The following SCAPER variants were observed in gnomAD, a reference collection of about 807,000 sequenced individuals.
SCAPER encodes the protein S-phase cyclin A associated protein in the ER.
SCAPER carries 98 observed loss-of-function variants against 182.2 expected under a neutral mutation model. That is an observed-to-expected ratio of 0.54 (90% CI 0.46 to 0.64). SCAPER has a LOEUF of 0.64. SCAPER is among the 30% of genes least tolerant of loss of function. The probability of loss-of-function intolerance (pLI) is 0.00; values close to 1 mark genes in which losing one functional copy is unlikely to be tolerated. For missense variants in SCAPER, 1,432 were observed against 1,690.0 expected (o/e 0.85, Z 2.68); for synonymous variants, 605 against 564.6 (o/e 1.07, Z -1.01).
intron 4 of SCAPER, among the ~76,000 whole-genome samples, chr15:76,851,881 C>T (rs965068043): frequency 5.9e-5 from 9 of 152,008 alleles, no homozygotes; most frequent in Non-Finnish European, 1.2e-4. Flanking sequence ...ACTTAAAAGG[C>T]ACAGAGTGGC....
intron 21 of SCAPER, among the ~76,000 whole-genome samples, chr15:76,652,559 AC>A (rs937858366): frequency 2.2e-5 from 3 of 136,686 alleles, no homozygotes; most frequent in Admixed American, 7.5e-5. Flanking sequence ...ACACACACAC[AC>A]ATTAGCCGGG....
chr15:76,507,431 A>C (rs2041678956), intron 23 of SCAPER, among the ~76,000 whole-genome samples: 1 of 152,188 alleles, frequency 6.6e-6, no homozygotes, highest in Non-Finnish European at 1.5e-5. Context: ...GGCCCCAAGC[A>C]AACTAATACA....
intron 21 of SCAPER, among the ~76,000 whole-genome samples, chr15:76,638,452 C>G (rs1224801285): frequency 6.6e-6 from 1 of 152,118 alleles, no homozygotes; most frequent in Non-Finnish European, 1.5e-5. Context: ...AAAGGGAATG[C>G]TTTCAATAGT....
chr15:76,740,391 A>C (rs2061477177), intron 15 of SCAPER, among the ~76,000 whole-genome samples: 1 of 152,238 alleles, frequency 6.6e-6, no homozygotes, highest in South Asian at 2.1e-4. Context: ...ACATTACTTC[A>C]TAAAAAATTG....
intron 8 of SCAPER, among the ~76,000 whole-genome samples, chr15:76,787,417 C>A (rs1389038269): frequency 6.6e-6 from 1 of 152,074 alleles, no homozygotes; most frequent in Non-Finnish European, 1.5e-5. Context: ...CAAGGTCTCA[C>A]TCTCTCCCCA....
intron 21 of SCAPER, among the ~76,000 whole-genome samples, chr15:76,652,273 A>AATATAT (rs1172636102): frequency 0.021 from 273 of 12,730 alleles, 4 homozygotes; most frequent in Middle Eastern, 0.033. Context: ...AAAAAAAAAA[A>AATATAT]ATATATATAT....
intron 15 of SCAPER, among the ~76,000 whole-genome samples, chr15:76,747,624 G>C (rs769297141): frequency 6.6e-5 from 10 of 152,150 alleles, no homozygotes; most frequent in Non-Finnish European, 1.3e-4. Flanking sequence ...AATGCCCTCA[G>C]GGGAGAGGGG....
chr15:76,375,828 A>G (rs1274017411), intron 29 of SCAPER, among the ~76,000 whole-genome samples: 1 of 152,172 alleles, frequency 6.6e-6, no homozygotes, highest in African/African-American at 2.4e-5. Flanking sequence ...TACTAAAAAT[A>G]CAAAAAATTA....
intron 20 of SCAPER, among the ~76,000 whole-genome samples, chr15:76,685,474 T>C (rs1325625431): frequency 6.6e-6 from 1 of 152,114 alleles, no homozygotes; most frequent in African/African-American, 2.4e-5. Flanking sequence ...GAGCTTGATA[T>C]GCAAAATCAC....
intron 17 of SCAPER, among the ~76,000 whole-genome samples, chr15:76,713,456 A>G (rs2059705944): frequency 6.6e-6 from 1 of 152,088 alleles, no homozygotes; most frequent in Non-Finnish European, 1.5e-5. Context: ...GCCATAAAAA[A>G]TGATGAGTTC....
At chr15:76,808,856 T>C (rs992239304) in intron 5 of SCAPER, among the ~76,000 whole-genome samples, 3 of 152,172 alleles carry the variant, frequency 2.0e-5, no homozygotes, top group East Asian at 1.9e-4. Context: ...AACAAGAATA[T>C]GGCATCACTG....
chr15:76,874,592 T>TA (rs2073015163), intron 2 of SCAPER, among the ~76,000 whole-genome samples: 1 of 151,796 alleles, frequency 6.6e-6, no homozygotes, highest in South Asian at 2.1e-4. Flanking sequence ...TATTAGGAAT[T>TA]AAAAAGAAAG....
At chr15:76,538,408 C>T (rs1279504050) in intron 23 of SCAPER, among the ~76,000 whole-genome samples, 1 of 150,754 alleles carries the variant, frequency 6.6e-6, no homozygotes, top group Non-Finnish European at 1.5e-5. Flanking sequence ...GAGTTCATGT[C>T]CTTTGTAGGG....
chr15:76,633,960 T>C (rs1389173036), intron 21 of SCAPER, among the ~76,000 whole-genome samples: 1 of 152,214 alleles, frequency 6.6e-6, no homozygotes, highest in African/African-American at 2.4e-5. Flanking sequence ...TTCAGCCCCC[T>C]TCCCATGGAG....
At chr15:76,508,251 T>G (rs974710877) in intron 23 of SCAPER, among the ~76,000 whole-genome samples, 3 of 152,168 alleles carry the variant, frequency 2.0e-5, no homozygotes, top group African/African-American at 7.2e-5. Flanking sequence ...AGTATTTCAT[T>G]CATTTTCTTT....
intron 23 of SCAPER, among the ~76,000 whole-genome samples, chr15:76,570,016 C>T (rs1278775501): frequency 6.6e-6 from 1 of 152,166 alleles, no homozygotes; most frequent in Non-Finnish European, 1.5e-5. Context: ...GTGCCAAACA[C>T]TGCATTTGAA....
intron 5 of SCAPER, among the ~76,000 whole-genome samples, chr15:76,834,209 C>T (rs1044274655): frequency 6.6e-6 from 1 of 152,126 alleles, no homozygotes; most frequent in East Asian, 1.9e-4. Context: ...CAAAAACATA[C>T]AATTACATGG....
chr15:76,551,704 C>T (rs1369901234), intron 23 of SCAPER, among the ~76,000 whole-genome samples: 1 of 152,128 alleles, frequency 6.6e-6, no homozygotes, highest in East Asian at 1.9e-4. Context: ...TTTGATTGTT[C>T]TCATCACAAA....
intron 26 of SCAPER, 118 bp downstream of exon 26, chr15:76,433,960 C>A: frequency 1.3e-6 from 1 of 782,900 alleles, no homozygotes; most frequent in East Asian, 2.7e-5. Flanking sequence ...TATTCTCTAC[C>A]AGGAATGTGT....
Sources: allele counts gnomAD v4.1 joint callset (sites outside exome capture counted in the v4.1 genomes callset), GRCh38; gene constraint gnomAD v4.1.1; transcripts MANE v1.5; gene names NCBI Gene and HGNC (gene_info 2026-07-23, HGNC 2026-07-21).